The following MTRES1 variants were observed in gnomAD, a reference collection of about 807,000 sequenced individuals.
MTRES1 encodes mitochondrial transcription rescue factor 1.
In MTRES1, 11 loss-of-function variants were observed where a neutral mutation model predicts 17.4. That is an observed-to-expected ratio of 0.63 (90% CI 0.40 to 1.05). The LOEUF is 1.05. MTRES1 is among the 50% of genes least tolerant of loss of function. The pLI is 0.00. For missense variants in MTRES1, 268 were observed against 276.2 expected (o/e 0.97, Z 0.21); for synonymous variants, 94 against 99.6 (o/e 0.94, Z 0.34).
At chr6:107,032,482 G>A (rs1250481820) in intron 1 of MTRES1, among the ~76,000 whole-genome samples, 4 of 152,110 alleles carry the variant, frequency 2.6e-5, no homozygotes, top group African/African-American at 7.2e-5. Context: ...GGAGGCCGAG[G>A]CAGGCGGATT....
intron 1 of MTRES1, among the ~76,000 whole-genome samples, chr6:107,031,399 A>AAG (rs71012761): frequency 6.8e-6 from 1 of 146,850 alleles, no homozygotes; most frequent in Non-Finnish European, 1.5e-5. Context: ...AAAAAAAAAA[A>AAG]GAAAAAAAAA....
chr6:107,040,044 A>G lies in MTRES1; in HGVS notation c.284A>G (p.Lys95Arg), dbSNP rs375885705. Reference protein sequence around the residue: ...KSNIRSTKSTKKSLQKVDEED... With the variant: ...KSNIRSTKSTRKSLQKVDEED... The stretch of plus-strand genomic sequence containing the variant: ...AATATAAGGTCTACAAAATCTACTA[A>G]AAAGTCTCTGCAAAAAGTAGATGAA... Residue 95 changes from lysine (K) to arginine (R), a missense_variant, in exon 2 of 4, where the codon AAA becomes AGA. By Grantham distance (26) the Lys-to-Arg change is conservative (BLOSUM62 2). Coordinates refer to ENST00000311381, the MANE Select transcript of MTRES1 (RefSeq NM_016487.5). The G allele has an allele frequency of 4.3e-6, 7 of 1,613,204 alleles. No individual in the cohort carries two copies. The African/African-American group carries it at 9.4e-5, about 22-fold the overall frequency.
intron 1 of MTRES1, among the ~76,000 whole-genome samples, chr6:107,034,905 TGAACCTG>T (rs1554226793): frequency 6.6e-6 from 1 of 151,982 alleles, no homozygotes; most frequent in Non-Finnish European, 1.5e-5. Flanking sequence ...GAGAATCACT[TGAACCTG>T]GAAGGCGGAG....
At chr6:107,050,578 G>GT (rs1562287989) in intron 3 of MTRES1, among the ~76,000 whole-genome samples, 7 of 53,202 alleles carry the variant, frequency 1.3e-4, no homozygotes, top group African/African-American at 3.7e-4. Flanking sequence ...TTTTTTTTTC[G>GT]TTTTTTTCGT....
At chr6:107,050,551 C>CTTTTT (rs142268482) in intron 3 of MTRES1, among the ~76,000 whole-genome samples, 604 of 81,154 alleles carry the variant, frequency 7.4e-3, no homozygotes, top group Middle Eastern at 0.01. Context: ...CTCTCCCTTT[C>CTTTTT]TTTTTTTTTT....
intron 2 of MTRES1, among the ~76,000 whole-genome samples, chr6:107,042,592 T>C (rs1206330642): frequency 1.4e-4 from 22 of 152,196 alleles, no homozygotes; most frequent in African/African-American, 5.3e-4. Context: ...GTTGCCCTAG[T>C]GCGTTAAGTT....
At chr6:107,029,518 C>T (rs1401137017) in intron 1 of MTRES1, among the ~76,000 whole-genome samples, 1 of 144,058 alleles carries the variant, frequency 6.9e-6, no homozygotes, top group Non-Finnish European at 1.5e-5. Context: ...GACACTCGCT[C>T]TGTCGCCGAG....
At position 107,051,124 on chromosome 6, in the gene MTRES1, T is replaced by C. The variant is rs782513064; in HGVS notation, c.611T>C (p.Met204Thr). Residue 204 changes from methionine (M) to threonine (T), a missense_variant, in exon 4 of 4, where the codon ATG (methionine) becomes ACG (threonine). Coordinates refer to ENST00000311381, the MANE Select transcript of MTRES1 (RefSeq NM_016487.5). ...AAAGAAGCAGGAACAGAGACAGTTA[T>C]GCGGATTCTCTTGAAAAAAGTGTTT... The part of the protein sequence containing the change: ...EDKEAGTETV[M>T]RILLKKVFEE... 11 of 1,613,844 alleles carry C rather than the reference T, an allele frequency of 6.8e-6. No homozygotes were observed. In the African/African-American group the frequency reaches 1.1e-4, roughly 16 times the overall value.
rs797033116 is a variant in MTRES1 at position 107,048,368 on chromosome 6, C to T, written c.544-2689C>T. Among the ~76,000 whole-genome samples, 17 of 151,976 alleles carry T rather than the reference C, an allele frequency of 1.1e-4. No homozygotes were observed. In the South Asian group the frequency reaches 2.3e-3, roughly 20 times the overall value. On this transcript the variant is annotated intron_variant, in intron 3 of 3. Coordinates refer to ENST00000311381, the MANE Select transcript of MTRES1 (RefSeq NM_016487.5). The stretch of plus-strand genomic sequence containing the variant: ...CAGGCTGGTCTTGAACTCCTGACCT[C>T]GTGATCCACCCTCAGCCTCCCAAAG...
chr6:107,051,056 G>T lies in MTRES1; in HGVS notation c.544-1G>T. On this transcript the variant is annotated splice_acceptor_variant, in intron 3 of 3. Coordinates refer to ENST00000311381, the MANE Select transcript of MTRES1 (RefSeq NM_016487.5). LOFTEE classifies it high-confidence loss of function. Reference sequence around the variant, plus strand: ...AGCCTCTGTTTTCTTTTAATTTTCAGGTGAAAGTGGGAGATACATTGGATC... The same window carrying T: ...AGCCTCTGTTTTCTTTTAATTTTCATGTGAAAGTGGGAGATACATTGGATC... The T allele has an allele frequency of 6.2e-7, 1 of 1,604,552 alleles. No individual in the cohort carries two copies. Among genetic ancestry groups the T allele is most frequent in the Non-Finnish European group, 8.5e-7 (1 of 1,175,610 alleles).
At chr6:107,050,551 C>CTTTTTTTTTTTTTTTTTTTTT (rs142268482) in intron 3 of MTRES1, among the ~76,000 whole-genome samples, 3 of 81,516 alleles carry the variant, frequency 3.7e-5, no homozygotes, top group Non-Finnish European at 6.5e-5. Flanking sequence ...CTCTCCCTTT[C>CTTTTTTTTTTTTTTTTTTTTT]TTTTTTTTTT....
At chr6:107,031,703 C>A (rs991512621) in intron 1 of MTRES1, among the ~76,000 whole-genome samples, 1 of 151,982 alleles carries the variant, frequency 6.6e-6, no homozygotes, top group Non-Finnish European at 1.5e-5. Flanking sequence ...CGGGTTCAAG[C>A]GGTTCTCGTG....
At position 107,031,662 on chromosome 6, in the gene MTRES1, G is replaced by A. The variant is rs192990540; in HGVS notation, c.-13+3391G>A. On this transcript the variant is annotated intron_variant, in intron 1 of 3. Coordinates refer to ENST00000311381, the MANE Select transcript of MTRES1 (RefSeq NM_016487.5). ...GTTGTCCAGGCTGGAGTGCAATGGC[G>A]CAATCTCAGCTCACTGCAACCTCTG... Among the ~76,000 whole-genome samples the A allele has an allele frequency of 5.3e-4, 81 of 151,576 alleles. 1 individual carries two copies. The East Asian group carries it at 0.014, about 26-fold the overall frequency.
intron 3 of MTRES1, among the ~76,000 whole-genome samples, chr6:107,048,778 C>CAA (rs10599769): frequency 8.9e-6 from 1 of 112,914 alleles, no homozygotes; most frequent in African/African-American, 3.5e-5. Flanking sequence ...GACTCCATGT[C>CAA]AAAAAAAAAA....
chr6:107,031,801 A>G (rs1773854043), intron 1 of MTRES1, among the ~76,000 whole-genome samples: 1 of 152,086 alleles, frequency 6.6e-6, no homozygotes, highest in South Asian at 2.1e-4. Flanking sequence ...GGGTTTCTCC[A>G]TGTTGGTCAG....
At chr6:107,028,520 T>G (rs534092207) in intron 1 of MTRES1, 1 of 152,276 alleles carries the variant, frequency 6.6e-6, no homozygotes, top group African/African-American at 2.4e-5. Flanking sequence ...GGGGACGCAG[T>G]TGTCCATTTC....
intron 2 of MTRES1, among the ~76,000 whole-genome samples, chr6:107,044,009 G>C (rs66502931): frequency 0.092 from 14,073 of 152,182 alleles, 888 homozygotes; most frequent in Non-Finnish European, 0.14. Context: ...TGTAGTCCCA[G>C]CTACTGGGAG....
intron 3 of MTRES1, among the ~76,000 whole-genome samples, chr6:107,045,709 CAAT>C (rs1358313324): frequency 6.6e-6 from 1 of 151,822 alleles, no homozygotes; most frequent in East Asian, 1.9e-4. Flanking sequence ...TAACAAAACA[CAAT>C]AAAAAGTTAT....
intron 1 of MTRES1, among the ~76,000 whole-genome samples, chr6:107,032,745 C>T (rs1461112930): frequency 1.3e-5 from 2 of 152,068 alleles, no homozygotes; most frequent in African/African-American, 4.8e-5. Context: ...AATGCTCATC[C>T]TCATTCATCC....
Sources: gnomAD v4.1 joint callset for allele counts (sites outside exome capture counted in the v4.1 genomes callset) on GRCh38, gnomAD v4.1.1 for gene constraint, MANE v1.5 for transcripts, NCBI Gene and HGNC (gene_info 2026-07-23, HGNC 2026-07-21) for gene names.